CPNE8: variants seen among roughly 807,000 people sequenced by gnomAD.
The protein encoded by CPNE8 is copine 8.
CPNE8 carries 45 observed loss-of-function variants against 81.5 expected under a neutral mutation model. That is an observed-to-expected ratio of 0.55 (90% confidence interval 0.44 to 0.71). The LOEUF is 0.71. CPNE8 is among the 30% of genes least tolerant of loss of function. CPNE8 has a pLI of 0.00. For missense variants in CPNE8, 594 were observed against 672.1 expected (o/e 0.88, Z 1.28); for synonymous variants, 252 against 226.3 (o/e 1.11, Z -1.02).
chr12:38,846,426 T>C (rs1035585605), intron 4 of CPNE8, among the ~76,000 whole-genome samples: 1 of 152,140 alleles, frequency 6.6e-6, no homozygotes, highest in African/African-American at 2.4e-5. Context: ...AGAAAACTGA[T>C]TGGCACTACA....
chr12:38,844,934 C>T (rs537074982), intron 4 of CPNE8, among the ~76,000 whole-genome samples: 1 of 152,248 alleles, frequency 6.6e-6, no homozygotes, highest in South Asian at 2.1e-4. Context: ...CATCTTTCAG[C>T]ATGCTGTTCC....
intron 10 of CPNE8, among the ~76,000 whole-genome samples, chr12:38,739,583 T>C (rs1484103893): frequency 6.6e-6 from 1 of 152,216 alleles, no homozygotes; most frequent in Non-Finnish European, 1.5e-5. Context: ...CTGTTGGTTC[T>C]ACCTTTGGGT....
In CPNE8 at chr12:38,748,174, C is replaced by G. The variant is rs149267170; in HGVS notation, c.722+12673G>C. Reference sequence around the variant, plus strand: ...TACAGGCATGAGCCACCACGCCCAGCTAATTTTTGTATTTTTAGTAGAGAT... The same window carrying G: ...TACAGGCATGAGCCACCACGCCCAGGTAATTTTTGTATTTTTAGTAGAGAT... On this transcript the variant is annotated intron_variant, in intron 10 of 19. Transcript: ENST00000331366. Among the ~76,000 whole-genome samples, 1,416 of 151,910 alleles carry G rather than the reference C, an allele frequency of 9.3e-3. 18 individuals are homozygous for G. The highest frequency in any genetic ancestry group is 0.027 in the Middle Eastern group (8 of 292).
chr12:38,894,471 A>G (rs906115386), intron 1 of CPNE8, among the ~76,000 whole-genome samples: 10 of 152,140 alleles, frequency 6.6e-5, no homozygotes, highest in Admixed American at 2.0e-4. Context: ...ATAAAAATCA[A>G]TTGTAATCAA....
intron 4 of CPNE8, among the ~76,000 whole-genome samples, chr12:38,845,295 T>C (rs991134578): frequency 1.1e-4 from 16 of 152,288 alleles, no homozygotes; most frequent in African/African-American, 3.9e-4. Flanking sequence ...CCTTTTGTTC[T>C]CTAACACACC....
At position 38,810,780 on chromosome 12, in the gene CPNE8, T is replaced by C. The variant is rs143463027; in HGVS notation, c.407+18599A>G. 1.6e-3 allele frequency among the ~76,000 whole-genome samples: 246 copies of C among 152,238 alleles called. 2 individuals carry two copies. The highest frequency in any genetic ancestry group is 5.6e-3 in the African/African-American group (233 of 41,568). On this transcript the variant is annotated intron_variant, in intron 6 of 19. Coordinates refer to ENST00000331366, the MANE Select transcript of CPNE8 (RefSeq NM_153634.3). ...GTGTCAAGTGGTCTATGTTTTTATC[T>C]AGTGGATCTGAGAGAGACTTCACTT...
At chr12:38,693,902 C>T in intron 14 of CPNE8, 64 bp from the exon 15 acceptor site, 1 of 1,333,294 alleles carries the variant, frequency 7.5e-7, no homozygotes. Flanking sequence ...CAAAATTTTT[C>T]TTGGTGTCTA....
chr12:38,852,707 T>C (rs1194376289), intron 3 of CPNE8, among the ~76,000 whole-genome samples: 8 of 152,132 alleles, frequency 5.3e-5, no homozygotes, highest in South Asian at 2.1e-4. Context: ...CTGAATAAAA[T>C]TGAACAAATG....
intron 6 of CPNE8, among the ~76,000 whole-genome samples, chr12:38,788,776 A>G (rs1357350225): frequency 6.6e-6 from 1 of 151,932 alleles, no homozygotes; most frequent in Non-Finnish European, 1.5e-5. Flanking sequence ...AGGATATAAA[A>G]TCAACGTAAA....
chr12:38,801,036 G>T (rs1478050714), intron 6 of CPNE8, among the ~76,000 whole-genome samples: 2 of 149,936 alleles, frequency 1.3e-5, no homozygotes, highest in Non-Finnish European at 3.0e-5. Flanking sequence ...TCTGATTGGT[G>T]TACCTGAAAG....
intron 6 of CPNE8, among the ~76,000 whole-genome samples, chr12:38,778,279 TACAGCCTATGGTGGTTTCACA>T: frequency 6.6e-6 from 1 of 152,238 alleles, no homozygotes; most frequent in South Asian, 2.1e-4. Flanking sequence ...TTTGTGTAAG[TACAGCCTATGGTGGTTTCACA>T]ACAATGAAAT....
intron 16 of CPNE8, among the ~76,000 whole-genome samples, chr12:38,679,298 G>A (rs1326480062): frequency 6.6e-6 from 1 of 151,712 alleles, no homozygotes; most frequent in Non-Finnish European, 1.5e-5. Flanking sequence ...ATTTTCTTTG[G>A]ATATACCAGA....
rs149253972 is a variant in CPNE8, at chr12:38,850,647, C to T, written c.187-1985G>A. ...CCTTCATATTGCTAAATCCAGTGGT[C>T]ACTTCTGGCCCTCATCTTGCCAGAT... is the stretch of plus-strand genomic sequence containing the variant. On this transcript the variant is annotated intron_variant, in intron 3 of 19. Coordinates refer to ENST00000331366, the MANE Select transcript of CPNE8 (RefSeq NM_153634.3). Among the ~76,000 whole-genome samples the T allele has an allele frequency of 9.3e-3, 1,417 of 152,270 alleles. 19 individuals are homozygous for T. Among genetic ancestry groups the T allele is most frequent in the South Asian group, 0.038 (183 of 4,818 alleles).
intron 6 of CPNE8, among the ~76,000 whole-genome samples, chr12:38,797,895 G>C (rs573444471): frequency 6.6e-6 from 1 of 152,298 alleles, no homozygotes; most frequent in African/African-American, 2.4e-5. Context: ...AGAACTACGT[G>C]AAGAATGCAG....
At chr12:38,660,195 C>T (rs758508778) in intron 19 of CPNE8, among the ~76,000 whole-genome samples, 37 of 152,118 alleles carry the variant, frequency 2.4e-4, no homozygotes, top group East Asian at 3.9e-4. Flanking sequence ...GGAGGCATCC[C>T]GCTACCTGAC....
chr12:38,863,090 G>T (rs901144557), intron 3 of CPNE8, among the ~76,000 whole-genome samples: 1 of 152,046 alleles, frequency 6.6e-6, no homozygotes, highest in African/African-American at 2.4e-5. Context: ...ATAAACCTTT[G>T]CCAAGAAGAA....
chr12:38,704,379 TGC>T (rs1341472999), intron 13 of CPNE8, among the ~76,000 whole-genome samples: 1 of 152,104 alleles, frequency 6.6e-6, no homozygotes, highest in Non-Finnish European at 1.5e-5. Context: ...TATGTATGTG[TGC>T]GTGTGTGTGT....
chr12:38,659,495 A>G (rs891081797), intron 19 of CPNE8, among the ~76,000 whole-genome samples: 1 of 151,954 alleles, frequency 6.6e-6, no homozygotes, highest in Non-Finnish European at 1.5e-5. Flanking sequence ...GATCGACAAG[A>G]CAGGTTAACA....
chr12:38,792,281 A>G (rs1942344132), intron 6 of CPNE8, among the ~76,000 whole-genome samples: 1 of 147,170 alleles, frequency 6.8e-6, no homozygotes, highest in Non-Finnish European at 1.5e-5. Context: ...TTACAAAAAT[A>G]TCAATGAAAC....
Sources: gnomAD v4.1 joint callset for allele counts (sites outside exome capture counted in the v4.1 genomes callset) on GRCh38, gnomAD v4.1.1 for gene constraint, MANE v1.5 for transcripts, NCBI Gene and HGNC (gene_info 2026-07-23, HGNC 2026-07-21) for gene names.